The following IL36B variants were observed in gnomAD, a reference collection of about 807,000 sequenced individuals.
IL36B encodes interleukin 36 beta, also known as interleukin-36 beta.
Under a neutral mutation model 19.3 loss-of-function variants are expected in IL36B, and 23 were observed. That is an observed-to-expected ratio of 1.19 (90% CI 0.86 to 1.69). The LOEUF (loss-of-function observed/expected upper bound fraction) is 1.69, where lower values mean the gene tolerates loss of function less well. Ranked by LOEUF, IL36B falls within the 40% of genes most tolerant of loss-of-function variation. The pLI is 0.00. For synonymous variants in IL36B, 59 were observed against 59.7 expected (o/e 0.99, Z 0.05); for missense variants, 217 against 200.5 (o/e 1.08, Z -0.50).
intron 3 of IL36B, 146 bp from the exon 4 acceptor site, chr2:113,029,224 T>G (rs908645794): frequency 1.3e-6 from 1 of 752,616 alleles, no homozygotes; most frequent in African/African-American, 1.8e-5. Context: ...ACCTATTTTG[T>G]TTTTCGTCCT....
intron 5 of IL36B, among the ~76,000 whole-genome samples, chr2:113,025,622 T>C (rs1684944270): frequency 6.6e-6 from 1 of 152,128 alleles, no homozygotes; most frequent in South Asian, 2.1e-4. Flanking sequence ...GCAAAAATGC[T>C]ATGGACCTCG....
intron 1 of IL36B, among the ~76,000 whole-genome samples, chr2:113,037,266 T>G (rs1685181242): frequency 6.6e-6 from 1 of 152,216 alleles, no homozygotes; most frequent in Admixed American, 6.5e-5. Context: ...TCCTGTTACT[T>G]GGAGTTCAAT....
chr2:113,039,406 A>C (rs1685209184), intron 1 of IL36B, among the ~76,000 whole-genome samples: 1 of 152,230 alleles, frequency 6.6e-6, no homozygotes, highest in South Asian at 2.1e-4. Context: ...AGTACTGATT[A>C]ACTTTGTGTT....
chr2:113,047,140 C>T (rs1345194280), intron 1 of IL36B, among the ~76,000 whole-genome samples: 1 of 152,120 alleles, frequency 6.6e-6, no homozygotes, highest in Non-Finnish European at 1.5e-5. Context: ...TTATTTAGCT[C>T]CTGTGTTCCT....
intron 5 of IL36B, among the ~76,000 whole-genome samples, chr2:113,025,075 G>A (rs1404786204): frequency 6.6e-6 from 1 of 152,146 alleles, no homozygotes; most frequent in Non-Finnish European, 1.5e-5. Context: ...CTCAGACTGT[G>A]CACCGAGCCC....
At chr2:113,028,010 G>T (rs369795145) in intron 4 of IL36B, 13 of 1,613,992 alleles carry the variant, frequency 8.1e-6, no homozygotes, top group Non-Finnish European at 1.1e-5. Context: ...AACCAGCCAG[G>T]GTAAGAGACT....
At chr2:113,026,471 T>C (rs1684964680) in intron 4 of IL36B, among the ~76,000 whole-genome samples, 1 of 152,170 alleles carries the variant, frequency 6.6e-6, no homozygotes, top group South Asian at 2.1e-4. Context: ...TGGGTACCCA[T>C]TGCAAGACCC....
chr2:113,051,245 G>C (rs563046296), intron 1 of IL36B, among the ~76,000 whole-genome samples: 1 of 152,232 alleles, frequency 6.6e-6, no homozygotes, highest in Non-Finnish European at 1.5e-5. Context: ...GGAGAGCAAT[G>C]GTCAAACTAC....
chr2:113,033,310 A>C (rs2218557), intron 1 of IL36B, among the ~76,000 whole-genome samples: 111,487 of 152,108 alleles, frequency 0.73, 41,178 homozygotes, highest in East Asian at 0.94. Flanking sequence ...CGGCTCATGG[A>C]AACTTCCGCC....
intron 5 of IL36B, among the ~76,000 whole-genome samples, chr2:113,023,651 G>A (rs1018468039): frequency 3.9e-5 from 6 of 152,158 alleles, no homozygotes; most frequent in Non-Finnish European, 7.3e-5. Context: ...ACCATTAAGG[G>A]AATGACATTA....
At chr2:113,025,453 G>A (rs995381827) in intron 5 of IL36B, among the ~76,000 whole-genome samples, 1 of 152,190 alleles carries the variant, frequency 6.6e-6, no homozygotes, top group African/African-American at 2.4e-5. Flanking sequence ...TGCTAAGAGG[G>A]AGGGAAGATT....
intron 1 of IL36B, among the ~76,000 whole-genome samples, chr2:113,049,448 G>C (rs1458628751): frequency 6.6e-6 from 1 of 152,108 alleles, no homozygotes; most frequent in Non-Finnish European, 1.5e-5. Flanking sequence ...CAACAAAAAA[G>C]CAAATAGCCC....
At chr2:113,025,045 G>C (rs1328152018) in intron 5 of IL36B, among the ~76,000 whole-genome samples, 1 of 152,158 alleles carries the variant, frequency 6.6e-6, no homozygotes, top group Admixed American at 6.5e-5. Flanking sequence ...GTGGGGAAAG[G>C]CTTGGACAAA....
chr2:113,037,081 A>G (rs1286419702), intron 1 of IL36B, among the ~76,000 whole-genome samples: 1 of 152,252 alleles, frequency 6.6e-6, no homozygotes, highest in Non-Finnish European at 1.5e-5. Context: ...GAAGTGCTTA[A>G]GAACCAGGTG....
intron 3 of IL36B, among the ~76,000 whole-genome samples, chr2:113,030,184 A>T (rs937763392): frequency 6.6e-6 from 1 of 152,028 alleles, no homozygotes; most frequent in Non-Finnish European, 1.5e-5. Context: ...GAGAGCTGAG[A>T]TCGTGCCATT....
chr2:113,049,829 C>A (rs186530051), intron 1 of IL36B, among the ~76,000 whole-genome samples: 1 of 152,032 alleles, frequency 6.6e-6, no homozygotes, highest in African/African-American at 2.4e-5. Context: ...GTGGCGTGCA[C>A]CTGTAATCCC....
At chr2:113,032,430 A>G (rs902849883) in intron 1 of IL36B, among the ~76,000 whole-genome samples, 3 of 152,132 alleles carry the variant, frequency 2.0e-5, no homozygotes, top group African/African-American at 7.2e-5. Context: ...ACACTCCACA[A>G]TGAGAACCAG....
At chr2:113,027,926 A>G in intron 4 of IL36B, 2 of 1,614,082 alleles carry the variant, frequency 1.2e-6, no homozygotes, top group Non-Finnish European at 1.7e-6. Context: ...TCTAAGTAGA[A>G]GTTAGTGTTA....
At chr2:113,043,395 A>C (rs976793530) in intron 1 of IL36B, among the ~76,000 whole-genome samples, 2 of 152,208 alleles carry the variant, frequency 1.3e-5, no homozygotes, top group African/African-American at 4.8e-5. Context: ...TTAATTATGA[A>C]GCATTGTAGA....
Sources: gnomAD v4.1 joint callset for allele counts (sites outside exome capture counted in the v4.1 genomes callset) on GRCh38, gnomAD v4.1.1 for gene constraint, MANE v1.5 for transcripts, NCBI Gene and HGNC (gene_info 2026-07-23, HGNC 2026-07-21) for gene names.